Variants in COG5 observed in about 807,000 individuals in gnomAD.
The protein encoded by COG5 is conserved oligomeric Golgi complex subunit 5.
In COG5, 86 loss-of-function variants were observed where a neutral mutation model predicts 110.4. The observed-to-expected ratio is 0.78, with a 90% CI of 0.65 to 0.93. COG5 has a LOEUF of 0.93. Among genes scored for constraint, COG5 ranks in the 40% least tolerant of loss-of-function variants. The pLI is 0.00. For synonymous variants in COG5, 360 were observed against 334.6 expected (o/e 1.08, Z -0.83); for missense variants, 1,077 against 987.0 (o/e 1.09, Z -1.22).
intron 6 of COG5, chr7:107,475,236 T>A: frequency 1.2e-6 from 2 of 1,609,580 alleles, no homozygotes; most frequent in African/African-American, 2.7e-5. Context: ...TAGTAGAAGC[T>A]GATCCCCTGC....
At chr7:107,399,348 A>C (rs1328209276) in intron 7 of COG5, among the ~76,000 whole-genome samples, 1 of 152,184 alleles carries the variant, frequency 6.6e-6, no homozygotes, top group Non-Finnish European at 1.5e-5. Flanking sequence ...TCTCATCTTG[A>C]ATTGTAATCC....
Position 107,283,635 on chromosome 7 carries a change from G to GA in COG5, c.1410dup (p.Pro471SerfsTer6). The GA allele has an allele frequency of 6.8e-6, 11 of 1,613,900 alleles. No homozygotes were observed. The highest frequency in any genetic ancestry group is 1.7e-4 in the Middle Eastern group (1 of 6,060). On this transcript the variant is annotated frameshift_variant, in exon 13 of 22. Coordinates refer to ENST00000297135, the MANE Select transcript of COG5 (RefSeq NM_006348.5). LOFTEE classifies it high-confidence loss of function. ...GAAGGAGGATTACGACCACCCGGGG[G>GA]AAAAACCAAGTTGATAGGATCGAAG...
chr7:107,330,960 C>A (rs925115404), intron 10 of COG5, among the ~76,000 whole-genome samples: 6 of 151,828 alleles, frequency 4.0e-5, no homozygotes, highest in Non-Finnish European at 7.4e-5. Flanking sequence ...GTAGTTGGGA[C>A]TACAGGTGCG....
At chr7:107,356,144 T>C (rs919601639) in intron 10 of COG5, among the ~76,000 whole-genome samples, 1 of 151,950 alleles carries the variant, frequency 6.6e-6, no homozygotes, top group African/African-American at 2.4e-5. Context: ...CAAAGGAAAA[T>C]GTAAAATAAA....
intron 21 of COG5, among the ~76,000 whole-genome samples, chr7:107,206,017 G>A (rs1462592178): frequency 6.6e-6 from 1 of 151,090 alleles, no homozygotes; most frequent in Non-Finnish European, 1.5e-5. Context: ...CTGGAGTGCA[G>A]TGCCGCAATC....
chr7:107,208,053 A>T (rs1798902069), intron 21 of COG5: 2 of 985,336 alleles, frequency 2.0e-6, no homozygotes, highest in South Asian at 4.7e-5. Context: ...TCATCCAGTG[A>T]TGCTTCAGTA....
At position 107,552,187 on chromosome 7, in the gene COG5, T is replaced by C. The variant is rs78388370; in HGVS notation, c.292+2098A>G. 3.3e-5 allele frequency among the ~76,000 whole-genome samples: 5 copies of C among 152,344 alleles called. No individual in the cohort carries two copies. In the East Asian group the frequency reaches 9.6e-4, roughly 29 times the overall value. On this transcript the variant is annotated intron_variant, in intron 3 of 21. Coordinates refer to ENST00000297135, the MANE Select transcript of COG5 (RefSeq NM_006348.5). ...CCTATACACACTCAATGTACTACCA[T>C]GCCATCCTTATTAATAAAAAACTAG...
At chr7:107,480,472 T>C (rs1797274315) in intron 6 of COG5, among the ~76,000 whole-genome samples, 1 of 152,018 alleles carries the variant, frequency 6.6e-6, no homozygotes, top group Non-Finnish European at 1.5e-5. Context: ...TGTTAGAAAT[T>C]TTAAAAGTTC....
At chr7:107,492,020 CTGTT>C (rs1300971977) in intron 6 of COG5, among the ~76,000 whole-genome samples, 1 of 151,986 alleles carries the variant, frequency 6.6e-6, no homozygotes, top group Non-Finnish European at 1.5e-5. Flanking sequence ...CCCATTACAG[CTGTT>C]TATTTTTAAA....
chr7:107,381,098 A>G (rs1240051932), intron 7 of COG5, among the ~76,000 whole-genome samples: 1 of 151,936 alleles, frequency 6.6e-6, no homozygotes, highest in African/African-American at 2.4e-5. Flanking sequence ...ATTAAATTCA[A>G]AAGGTTTATA....
chr7:107,380,474 AG>A (rs1445899756), intron 7 of COG5, among the ~76,000 whole-genome samples: 1 of 152,196 alleles, frequency 6.6e-6, no homozygotes, highest in Non-Finnish European at 1.5e-5. Context: ...AAAATGATAA[AG>A]GGGAGATCAC....
chr7:107,497,691 G>A (rs1379892710), intron 6 of COG5, among the ~76,000 whole-genome samples: 1 of 151,950 alleles, frequency 6.6e-6, no homozygotes, highest in South Asian at 2.1e-4. Flanking sequence ...TTAGACAACT[G>A]AATACTGTTA....
In COG5 at chr7:107,258,379, G is replaced by C. The variant is rs1465957604; in HGVS notation, c.1580C>G (p.Ser527Cys). Residue 527 changes from serine (S) to cysteine (C), a missense_variant, in exon 15 of 22, where the codon TCC (serine) becomes TGC (cysteine). Coordinates refer to ENST00000297135, the MANE Select transcript of COG5 (RefSeq NM_006348.5). ...CACCTGACTTGCATCTCCTTGTGTG[G>C]AGAGCTGTAAGAATTCAATTTCAAA... Reference protein sequence around the residue: ...LYSVKSEQLLSTQGDASQVIG... With the variant: ...LYSVKSEQLLCTQGDASQVIG... The C allele has an allele frequency of 1.9e-6, 3 of 1,590,116 alleles. No individual in the cohort carries two copies. Among genetic ancestry groups the C allele is most frequent in the Non-Finnish European group, 2.6e-6 (3 of 1,158,522 alleles).
rs796291188 is a variant in COG5, at chr7:107,294,713, CTTTTTTTTTTT to C, written c.1313+3418_1313+3428del. 6.4e-5 allele frequency among the ~76,000 whole-genome samples: 7 copies of C among 110,036 alleles called. No homozygotes were observed. The South Asian group carries it at 8.7e-4, about 14-fold the overall frequency. The allele number at this position is 110,036 out of a possible 152,430, so 72.2% of individuals were successfully genotyped here. ...AAACCTCCTCATCTTAATTTTCTTT[CTTTTTTTTTTT>C]TTTTTTTTTGAGACAGAATCTTGCT... On this transcript the variant is annotated intron_variant, in intron 12 of 21. Coordinates refer to ENST00000297135, the MANE Select transcript of COG5 (RefSeq NM_006348.5).
rs555590768 is a variant in COG5 at position 107,456,153 on chromosome 7, T to A, written c.539-43521A>T. Among the ~76,000 whole-genome samples, 10 of 152,264 alleles carry A rather than the reference T, an allele frequency of 6.6e-5. No individual in the cohort carries two copies. In the Middle Eastern group the frequency reaches 0.01, roughly 155 times the overall value. On this transcript the variant is annotated intron_variant, in intron 6 of 21. Coordinates refer to ENST00000297135, the MANE Select transcript of COG5 (RefSeq NM_006348.5). ...AGATCTGCATGATTCAGAATATTGC[T>A]AACCTATCGGTTCTAACATAAGAAA...
chr7:107,386,192 T>C (rs1790179609), intron 7 of COG5, among the ~76,000 whole-genome samples: 2 of 149,570 alleles, frequency 1.3e-5, no homozygotes, highest in African/African-American at 4.9e-5. Flanking sequence ...TATAGAGGAG[T>C]CTATCTAAAT....
intron 6 of COG5, among the ~76,000 whole-genome samples, chr7:107,415,026 C>T (rs1403115832): frequency 6.6e-6 from 1 of 151,996 alleles, no homozygotes; most frequent in Non-Finnish European, 1.5e-5. Flanking sequence ...ATGCCCGGCC[C>T]ACTGTCCCTT....
chr7:107,524,154 A>G (rs1800557933), intron 6 of COG5, among the ~76,000 whole-genome samples: 2 of 152,206 alleles, frequency 1.3e-5, no homozygotes. Flanking sequence ...TTTACGTAAC[A>G]TAAAACTCTC....
At chr7:107,356,724 A>T (rs1812656334) in intron 10 of COG5, among the ~76,000 whole-genome samples, 3 of 152,162 alleles carry the variant, frequency 2.0e-5, no homozygotes. Flanking sequence ...TTCTGAACAA[A>T]TATTATAGGA....
Sources: gnomAD v4.1 joint callset for allele counts (sites outside exome capture counted in the v4.1 genomes callset) on GRCh38, gnomAD v4.1.1 for gene constraint, MANE v1.5 for transcripts, NCBI Gene and HGNC (gene_info 2026-07-23, HGNC 2026-07-21) for gene names.